The following CARMIL1 variants were observed in gnomAD, a reference collection of about 807,000 sequenced individuals.
CARMIL1 encodes F-actin-uncapping protein LRRC16A.
In CARMIL1, 90 loss-of-function variants were observed where a neutral mutation model predicts 177.1. That is an observed-to-expected ratio of 0.51 (90% confidence interval 0.43 to 0.61). The LOEUF is 0.61. Among genes scored for constraint, CARMIL1 ranks in the 20% least tolerant of loss-of-function variants. The probability of loss-of-function intolerance (pLI) is 0.00; values close to 1 mark genes in which losing one functional copy is unlikely to be tolerated. For synonymous variants in CARMIL1, 577 were observed against 606.2 expected, an observed-to-expected ratio of 0.95 and a Z score of 0.71; for missense variants, 1,380 against 1,667.0, an observed-to-expected ratio of 0.83 and a Z score of 3.00.
chr6:25,570,765 G>T (rs907449973), intron 29 of CARMIL1, among the ~76,000 whole-genome samples: 3 of 152,160 alleles, frequency 2.0e-5, no homozygotes, highest in Admixed American at 2.0e-4. Flanking sequence ...TGAGTGTAGC[G>T]TGAATAGCTG....
chr6:25,453,026 G>A (rs1799138397), intron 8 of CARMIL1, among the ~76,000 whole-genome samples: 1 of 152,076 alleles, frequency 6.6e-6, no homozygotes, highest in Non-Finnish European at 1.5e-5. Context: ...TTGTAGCATT[G>A]TACATTGGTA....
chr6:25,505,420 C>G (rs1804813810), intron 17 of CARMIL1, among the ~76,000 whole-genome samples: 1 of 152,094 alleles, frequency 6.6e-6, no homozygotes, highest in South Asian at 2.1e-4. Context: ...CCCATGTACC[C>G]AAGTATCTGA....
intron 4 of CARMIL1, among the ~76,000 whole-genome samples, chr6:25,435,016 C>T (rs899365124): frequency 6.6e-6 from 1 of 152,184 alleles, no homozygotes; most frequent in Admixed American, 6.5e-5. Flanking sequence ...GCCATACTTA[C>T]ACTACATAGC....
chr6:25,459,210 T>TTTCTTTC (rs1799794292), intron 8 of CARMIL1, among the ~76,000 whole-genome samples: 9 of 80,136 alleles, frequency 1.1e-4, no homozygotes, highest in Non-Finnish European at 1.5e-4. Context: ...GATCCCAACT[T>TTTCTTTC]TTTCTTTCTT....
At chr6:25,448,786 G>T (rs1270446091) in intron 5 of CARMIL1, among the ~76,000 whole-genome samples, 2 of 152,140 alleles carry the variant, frequency 1.3e-5, no homozygotes, top group African/African-American at 4.8e-5. Context: ...TTGGCACTCT[G>T]TAGATCTTTC....
intron 22 of CARMIL1, 42 bp downstream of exon 22, chr6:25,517,457 C>A (rs547090971): frequency 2.0e-6 from 3 of 1,498,050 alleles, no homozygotes; most frequent in Non-Finnish European, 2.8e-6. Context: ...AATAAAAAAA[C>A]AAAAACCAAT....
intron 4 of CARMIL1, among the ~76,000 whole-genome samples, chr6:25,426,865 G>T (rs72831255): frequency 0.043 from 6,485 of 152,248 alleles, 144 homozygotes; most frequent in Admixed American, 0.053. Flanking sequence ...CATAGCAATT[G>T]TATAGTACTA....
chr6:25,586,934 A>G (rs140547679), intron 31 of CARMIL1, among the ~76,000 whole-genome samples: 2,659 of 150,502 alleles, frequency 0.018, 68 homozygotes, highest in African/African-American at 0.056. Flanking sequence ...GGCATCAGAT[A>G]GAGACCGTGG....
chr6:25,476,950 G>C (rs148820551), intron 11 of CARMIL1, among the ~76,000 whole-genome samples: 3 of 151,886 alleles, frequency 2.0e-5, no homozygotes, highest in African/African-American at 7.3e-5. Flanking sequence ...TTAGCTGGGT[G>C]TGGTGGTGTG....
chr6:25,388,034 A>G lies in CARMIL1; in HGVS notation c.139-32080A>G, dbSNP rs531256259. The G allele has an allele frequency of 1.6e-4, 25 of 152,358 alleles. 1 individual carries two copies. Among genetic ancestry groups the G allele is most frequent in the African/African-American group, 5.8e-4 (24 of 41,584 alleles). 9.4% of individuals were successfully genotyped at this position (152,358 alleles called of 1,614,324 possible). ...AAAGATCTTGAGCAGATAGGCAAGT[A>G]GAAGTAAAAATCCTCACTGTTTGAG... On this transcript the variant is annotated intron_variant, in intron 2 of 36. Transcript: ENST00000329474.
intron 23 of CARMIL1, 81 bp downstream of exon 23, chr6:25,520,418 T>G (rs1254847176): frequency 1.3e-6 from 1 of 797,362 alleles, no homozygotes; most frequent in Non-Finnish European, 2.0e-6. Context: ...AACAATACTT[T>G]GTTATTTTAC....
intron 2 of CARMIL1, chr6:25,388,066 A>G (rs1394910606): frequency 6.6e-6 from 1 of 152,226 alleles, no homozygotes; most frequent in Non-Finnish European, 1.5e-5. Context: ...TGAGGCCTCC[A>G]GACCTTGTTG....
chr6:25,402,713 A>G (rs1793995455), intron 2 of CARMIL1, among the ~76,000 whole-genome samples: 2 of 152,214 alleles, frequency 1.3e-5, no homozygotes, highest in African/African-American at 4.8e-5. Context: ...AGTGCTTAGT[A>G]GCTACATCGT....
At chr6:25,351,800 G>A (rs1204198193) in intron 2 of CARMIL1, among the ~76,000 whole-genome samples, 4 of 152,004 alleles carry the variant, frequency 2.6e-5, no homozygotes, top group South Asian at 2.1e-4. Context: ...AGTGAATGAC[G>A]ATTGTGGAAA....
At chr6:25,479,057 G>A (rs1017077711) in intron 11 of CARMIL1, 1 of 516,424 alleles carries the variant, frequency 1.9e-6, no homozygotes. Context: ...CATCCACAAT[G>A]TTCCAATGTG....
chr6:25,530,793 G>A (rs2151104951), intron 24 of CARMIL1, among the ~76,000 whole-genome samples: 1 of 152,168 alleles, frequency 6.6e-6, no homozygotes, highest in Middle Eastern at 3.4e-3. Flanking sequence ...TATACAAGCT[G>A]AGAGAAAGTT....
At chr6:25,535,733 T>C (rs1430578606) in intron 24 of CARMIL1, among the ~76,000 whole-genome samples, 1 of 152,236 alleles carries the variant, frequency 6.6e-6, no homozygotes, top group Non-Finnish European at 1.5e-5. Flanking sequence ...AATTATGAAC[T>C]GATAAACCCC....
At chr6:25,369,346 T>TCA (rs1350960330) in intron 2 of CARMIL1, among the ~76,000 whole-genome samples, 1 of 151,634 alleles carries the variant, frequency 6.6e-6, no homozygotes, top group African/African-American at 2.4e-5. Context: ...GCTCTTGCAG[T>TCA]CAGCTTAACA....
chr6:25,284,978 T>C, intron 2 of CARMIL1, 69 bp downstream of exon 2: 2 of 935,828 alleles, frequency 2.1e-6, no homozygotes, highest in Non-Finnish European at 3.3e-6. Context: ...TTAGATTGCT[T>C]AATTTTCATG....
Sources: allele counts gnomAD v4.1 joint callset (sites outside exome capture counted in the v4.1 genomes callset), GRCh38; gene constraint gnomAD v4.1.1; transcripts MANE v1.5; gene names NCBI Gene and HGNC (gene_info 2026-07-23, HGNC 2026-07-21).